Variants in SLAIN1 observed in about 807,000 individuals in gnomAD.
The protein encoded by SLAIN1 is SLAIN motif-containing protein 1.
In SLAIN1, 17 loss-of-function variants were observed where a neutral mutation model predicts 55.4. The observed-to-expected ratio is 0.31, with a 90% CI of 0.21 to 0.46. The LOEUF (loss-of-function observed/expected upper bound fraction) is 0.46, where lower values mean the gene tolerates loss of function less well. SLAIN1 is among the 20% of genes least tolerant of loss of function. The pLI, the probability that SLAIN1 is intolerant of heterozygous loss-of-function variation, is 1.00. For missense variants in SLAIN1, 682 were observed against 785.1 expected (o/e 0.87, Z 1.57); for synonymous variants, 348 against 337.4 (o/e 1.03, Z -0.35).
chr13:77,698,506 T>C lies in SLAIN1; in HGVS notation c.593T>C (p.Val198Ala). Residue 198 changes from valine (V) to alanine (A), a missense_variant, in exon 1 of 7, where the codon GTA (valine) becomes GCA (alanine). By Grantham distance (64) the Val-to-Ala change is moderately conservative (BLOSUM62 0). This residue lies in a region of SLAIN1 where 401 missense variants were observed against 417.3 expected (regional missense o/e 0.96). Transcript: ENST00000418532. This position sits in a 1 kb window ranked among gnomAD's most constrained non-coding sequence, Gnocchi z 4.1. ...GTGGAATTGCTGGATCTGGAGAGCGTAGCCGCCTGGCGGGACGAGGACGAC... is the reference window on the plus strand; with the variant it reads ...GTGGAATTGCTGGATCTGGAGAGCGCAGCCGCCTGGCGGGACGAGGACGAC... ...DEVELLDLESVAAWRDEDDYT... is the reference protein window; with the variant it reads ...DEVELLDLESAAAWRDEDDYT... 2.8e-6 allele frequency: 4 copies of C among 1,453,394 alleles called. No individual in the cohort carries two copies. The highest frequency in any genetic ancestry group is 3.6e-6 in the Non-Finnish European group (4 of 1,110,030). 90.0% of individuals were successfully genotyped at this position (1,453,394 alleles called of 1,614,324 possible).
At chr13:77,752,986 G>T (rs1037610261) in intron 4 of SLAIN1, among the ~76,000 whole-genome samples, 7 of 152,136 alleles carry the variant, frequency 4.6e-5, no homozygotes, top group African/African-American at 1.7e-4. Context: ...AATCAAGTTG[G>T]CACTCAATAT....
Position 77,703,398 on chromosome 13 carries a change from GT to G in SLAIN1, c.626+4865del, listed in dbSNP as rs537067741. ...ACAACTAAATTAGACCACCTAAACT[GT>G]TTTTTGCATAATTGATTTTCAGTGA... is the stretch of plus-strand genomic sequence containing the variant. On this transcript the variant is annotated intron_variant, in intron 1 of 6. Transcript: ENST00000418532. 2.3e-3 allele frequency among the ~76,000 whole-genome samples: 349 copies of G among 152,166 alleles called. 2 individuals carry two copies. Among genetic ancestry groups the G allele is most frequent in the African/African-American group, 8.0e-3 (333 of 41,540 alleles).
At chr13:77,743,226 A>G (rs1873575254) in intron 2 of SLAIN1, 6 of 1,187,896 alleles carry the variant, frequency 5.1e-6, no homozygotes, top group Non-Finnish European at 6.6e-6. Flanking sequence ...AACACGGCTT[A>G]AATATTCATC....
chr13:77,699,906 G>A (rs368558850), intron 1 of SLAIN1, among the ~76,000 whole-genome samples: 17 of 152,260 alleles, frequency 1.1e-4, no homozygotes, highest in African/African-American at 3.9e-4. Flanking sequence ...ATGCTCTCAT[G>A]ATGGTCCTTA....
intron 1 of SLAIN1, among the ~76,000 whole-genome samples, chr13:77,708,197 A>C (rs144167539): frequency 4.6e-5 from 7 of 152,326 alleles, no homozygotes; most frequent in South Asian, 4.1e-4. Flanking sequence ...GGACAAATGA[A>C]ATATTTGTAT....
chr13:77,713,140 A>G (rs1197306058), intron 1 of SLAIN1, among the ~76,000 whole-genome samples: 1 of 152,234 alleles, frequency 6.6e-6, no homozygotes, highest in Non-Finnish European at 1.5e-5. Context: ...CATTCAGGAC[A>G]TGGGCATGGG....
rs1469070329 is a variant in SLAIN1 at position 77,746,862 on chromosome 13, T to C, written c.1258+7T>C. On this transcript the variant is annotated splice_region_variant and intron_variant, in intron 4 of 6. Coordinates refer to ENST00000418532, the MANE Select transcript of SLAIN1 (RefSeq NM_001242868.2). ...CCAAATAGGACCAATGGAGGTAGGT[T>C]GTATGCTTTTTTGGTATTTGATATG... 1 of 1,591,208 alleles carries C rather than the reference T, an allele frequency of 6.3e-7. No homozygotes were observed. The highest frequency in any genetic ancestry group is 1.1e-5 in the South Asian group (1 of 88,400).
chr13:77,708,134 T>G (rs2154409377), intron 1 of SLAIN1, among the ~76,000 whole-genome samples: 1 of 152,300 alleles, frequency 6.6e-6, no homozygotes, highest in African/African-American at 2.4e-5. Flanking sequence ...ACTTAGAAAC[T>G]GAATGTGCCT....
intron 2 of SLAIN1, among the ~76,000 whole-genome samples, chr13:77,733,208 C>T (rs1290115188): frequency 6.6e-6 from 1 of 152,106 alleles, no homozygotes; most frequent in African/African-American, 2.4e-5. Context: ...GAAACATTTA[C>T]CTGCCAATTG....
At chr13:77,734,112 A>G (rs928873674) in intron 2 of SLAIN1, among the ~76,000 whole-genome samples, 4 of 152,142 alleles carry the variant, frequency 2.6e-5, no homozygotes, top group Non-Finnish European at 4.4e-5. Context: ...TAGGCTCTAA[A>G]TACGTAAAGA....
At chr13:77,710,941 C>T (rs758172535) in intron 1 of SLAIN1, among the ~76,000 whole-genome samples, 4 of 152,062 alleles carry the variant, frequency 2.6e-5, no homozygotes, top group African/African-American at 4.8e-5. Context: ...GACTGAAAAC[C>T]GCACAATTAC....
At chr13:77,747,963 T>C (rs1873950405) in intron 4 of SLAIN1, among the ~76,000 whole-genome samples, 1 of 152,134 alleles carries the variant, frequency 6.6e-6, no homozygotes, top group African/African-American at 2.4e-5. Flanking sequence ...AAATTCTATA[T>C]ATTATGGAGA....
chr13:77,697,782 T>A lies in SLAIN1; in HGVS notation c.-132T>A, dbSNP rs939234374. The A allele has an allele frequency of 1.0e-6, 1 of 988,224 alleles. No individual in the cohort carries two copies. The highest frequency in any genetic ancestry group is 1.3e-6 in the Non-Finnish European group (1 of 789,354). 61.2% of individuals were successfully genotyped at this position (988,224 alleles called of 1,614,324 possible). On this transcript the variant is annotated 5_prime_UTR_variant, in exon 1 of 7. Transcript: ENST00000418532. Reference sequence around the variant, plus strand: ...CCCGGTGCTGATGCGAACCGCCGGCTCGGCCTCAGCCCGCGCGTGGTCGGC... The same window carrying A: ...CCCGGTGCTGATGCGAACCGCCGGCACGGCCTCAGCCCGCGCGTGGTCGGC...
rs1350168615 is a variant in SLAIN1, at chr13:77,763,909, C to T, written c.*689C>T. ...AGACAGCAGAATTAAATGGTCCTGTCTTTTTCATTTTTAATTTATTGTCAT... is the reference window on the plus strand; with the variant it reads ...AGACAGCAGAATTAAATGGTCCTGTTTTTTTCATTTTTAATTTATTGTCAT... On this transcript the variant is annotated 3_prime_UTR_variant, in exon 7 of 7. Coordinates refer to ENST00000418532, the MANE Select transcript of SLAIN1 (RefSeq NM_001242868.2). 1 of 152,582 alleles carries T rather than the reference C, an allele frequency of 6.6e-6. No individual in the cohort carries two copies. The highest frequency in any genetic ancestry group is 1.5e-5 in the Non-Finnish European group (1 of 68,020). The allele number at this position is 152,582 out of a possible 1,614,324, so 9.5% of individuals were successfully genotyped here. A position where few individuals can be genotyped will look rare whatever the true frequency, so the allele number is the denominator to read the frequency against.
At chr13:77,700,674 C>T (rs1566216089) in intron 1 of SLAIN1, among the ~76,000 whole-genome samples, 1 of 152,132 alleles carries the variant, frequency 6.6e-6, no homozygotes, top group Non-Finnish European at 1.5e-5. Flanking sequence ...TCACTGCAGA[C>T]TATAGTGTCC....
At chr13:77,718,471 A>G (rs184783114) in intron 1 of SLAIN1, among the ~76,000 whole-genome samples, 9 of 152,278 alleles carry the variant, frequency 5.9e-5, no homozygotes, top group Admixed American at 5.9e-4. Context: ...ACATTTGGCA[A>G]TCCCTGATCT....
At chr13:77,747,913 T>C (rs577001362) in intron 4 of SLAIN1, among the ~76,000 whole-genome samples, 4 of 152,220 alleles carry the variant, frequency 2.6e-5, no homozygotes, top group Non-Finnish European at 4.4e-5. Context: ...TCTAAGCCTG[T>C]TGTGTTTTTG....
At chr13:77,737,655 T>A (rs1230090120) in intron 2 of SLAIN1, among the ~76,000 whole-genome samples, 1 of 152,086 alleles carries the variant, frequency 6.6e-6, no homozygotes, top group Non-Finnish European at 1.5e-5. Flanking sequence ...TGGTATCATA[T>A]CCTGTGAGAT....
intron 1 of SLAIN1, among the ~76,000 whole-genome samples, chr13:77,715,804 T>C (rs1372649479): frequency 6.6e-6 from 1 of 152,190 alleles, no homozygotes; most frequent in African/African-American, 2.4e-5. Context: ...TTTCTTGTTT[T>C]CTGCATAAAA....
Sources: gnomAD v4.1 joint callset for allele counts (sites outside exome capture counted in the v4.1 genomes callset) on GRCh38, gnomAD v4.1.1 for gene constraint, gnomAD v4.1.1 regional missense constraint, Gnocchi (gnomAD v3.1) non-coding constraint, MANE v1.5 for transcripts, NCBI Gene and HGNC (gene_info 2026-07-23, HGNC 2026-07-21) for gene names.